The following CDH24 variants were observed in gnomAD, a reference collection of about 807,000 sequenced individuals.
The protein encoded by CDH24 is cadherin 24.
Under a neutral mutation model 71.2 loss-of-function variants are expected in CDH24, and 61 were observed. The ratio of observed to expected loss-of-function variants is 0.86; its 90% CI spans 0.70 to 1.06. The LOEUF (loss-of-function observed/expected upper bound fraction) is 1.06, where lower values mean the gene tolerates loss of function less well. CDH24 is among the 50% of genes least tolerant of loss of function. The pLI is 0.00. For synonymous variants in CDH24, 440 were observed against 470.2 expected (o/e 0.94, Z 0.83); for missense variants, 961 against 1,083.7 (o/e 0.89, Z 1.59).
chr14:23,054,387 C>A lies in CDH24; in HGVS notation c.785-59G>T. 6.5e-7 allele frequency: 1 copy of A among 1,547,070 alleles called. No homozygotes were observed. Among genetic ancestry groups the A allele is most frequent in the Non-Finnish European group, 8.7e-7 (1 of 1,144,372 alleles). On this transcript the variant is annotated intron_variant, in intron 5 of 12. Transcript: ENST00000487137. The surrounding 1 kb of genome is among the most constrained non-coding windows in gnomAD (Gnocchi z 5.2). ...GAGGTCCCCAGCCCTCCTCCCTCCC[C>A]ACAGCACTTTATTCTCCCAGGATCT...
chr14:23,047,946 C>CA lies in CDH24; in HGVS notation c.*33_*34insT. The CA allele has an allele frequency of 7.8e-7, 1 of 1,287,688 alleles. No homozygotes were observed. Among genetic ancestry groups the CA allele is most frequent in the Non-Finnish European group, 9.8e-7 (1 of 1,020,072 alleles). 79.8% of individuals were successfully genotyped at this position (1,287,688 alleles called of 1,614,324 possible). On this transcript the variant is annotated 3_prime_UTR_variant, in exon 12 of 13. Coordinates refer to ENST00000487137, the MANE Select transcript of CDH24 (RefSeq NM_144985.4). ...ACTCAGAGGGCCTGTGCCCGCTGCC[C>CA]CCCCCCCGCGGTGGGCCGGGCCAGC...
At position 23,057,261 on chromosome 14, in the gene CDH24, A is replaced by C. The variant is rs923533194; in HGVS notation, c.-125+142T>G. 1 of 152,512 alleles carries C rather than the reference A, an allele frequency of 6.6e-6. No individual in the cohort carries two copies. Among genetic ancestry groups the C allele is most frequent in the Non-Finnish European group, 1.5e-5 (1 of 68,382 alleles). The allele number at this position is 152,512 out of a possible 1,614,324, so 9.4% of individuals were successfully genotyped here. On this transcript the variant is annotated intron_variant, in intron 1 of 12. Coordinates refer to ENST00000487137, the MANE Select transcript of CDH24 (RefSeq NM_144985.4). The surrounding 1 kb of genome is among the most constrained non-coding windows in gnomAD (Gnocchi z 5.4). Reference sequence around the variant, plus strand: ...GGAGAGAGGTGCGAGGGGAGAAGGGAAAGAGGCAGAGCGCGGGAGAAGGGA... The same window carrying C: ...GGAGAGAGGTGCGAGGGGAGAAGGGCAAGAGGCAGAGCGCGGGAGAAGGGA...
intron 1 of CDH24, among the ~76,000 whole-genome samples, chr14:23,056,847 G>A (rs775541023): frequency 6.6e-6 from 1 of 152,026 alleles, no homozygotes; most frequent in Non-Finnish European, 1.5e-5. Flanking sequence ...GGGCGGGGGG[G>A]AGGACCCCTC....
rs994822933 is a variant in CDH24, at chr14:23,051,366, G to A, written c.1363+1107C>T. Among the ~76,000 whole-genome samples, 5 of 152,090 alleles carry A rather than the reference G, an allele frequency of 3.3e-5. No homozygotes were observed. Among genetic ancestry groups the A allele is most frequent in the Non-Finnish European group, 7.4e-5 (5 of 68,012 alleles). ...CCTGAGTTTATTGTTTAAAAATGAG[G>A]AAATAATCATACTTCCCTCATAAAG... is the stretch of plus-strand genomic sequence containing the variant. On this transcript the variant is annotated intron_variant, in intron 8 of 12. Coordinates refer to ENST00000487137, the MANE Select transcript of CDH24 (RefSeq NM_144985.4). This position sits in a 1 kb window ranked among gnomAD's most constrained non-coding sequence, Gnocchi z 4.4.
rs751531907 is a variant in CDH24, at chr14:23,048,491, G to A, written c.1847-12C>T. The A allele has an allele frequency of 3.7e-6, 6 of 1,601,746 alleles. No individual in the cohort carries two copies. The East Asian group carries it at 1.3e-4, about 36-fold the overall frequency. On this transcript the variant is annotated splice_polypyrimidine_tract_variant and intron_variant, in intron 11 of 12. Transcript: ENST00000487137. The stretch of plus-strand genomic sequence containing the variant: ...GAGCACCACCAGGGCTGCGCGAGAG[G>A]CGCGCACACAGGCCCTGAGCCAGCA...
At position 23,055,729 on chromosome 14, in the gene CDH24, C is replaced by T. The variant is rs763102972; in HGVS notation, c.5G>A (p.Trp2Ter). Residue 2 changes from tryptophan (W) to a stop codon, truncating the protein, a stop_gained, in exon 2 of 13, where the codon TGG becomes TAG. Coordinates refer to ENST00000487137, the MANE Select transcript of CDH24 (RefSeq NM_144985.4). LOFTEE classifies it high-confidence loss of function. The surrounding 1 kb of genome is among the most constrained non-coding windows in gnomAD (Gnocchi z 4.1). ...GGCCAGCAGGAGCCTCACCAGGCCC[C>T]ACATGTTTGGACTCCAGCCAGGGCT... M[W>*]GLVRLLLAWL... is the part of the protein sequence containing the mutation. 6.3e-6 allele frequency: 10 copies of T among 1,579,542 alleles called. No homozygotes were observed. Among genetic ancestry groups the T allele is most frequent in the Non-Finnish European group, 7.7e-6 (9 of 1,168,862 alleles).
rs1319422486 is a variant in CDH24, at chr14:23,052,526, A to G, written c.1310T>C (p.Leu437Pro). 1 of 1,614,046 alleles carries G rather than the reference A, an allele frequency of 6.2e-7. No homozygotes were observed. Among genetic ancestry groups the G allele is most frequent in the Admixed American group, 1.7e-5 (1 of 60,014 alleles). Residue 437 changes from leucine (L) to proline (P), a missense_variant, in exon 8 of 13, where the codon CTG becomes CCG. Coordinates refer to ENST00000487137, the MANE Select transcript of CDH24 (RefSeq NM_144985.4). ...EEGTIHTAAP[L>P]DREARAWHNL... ...GTGCCAGGCGCGAGCCTCGCGATCC[A>G]GGGGTGCTGCTGTATGGATGGTGCC... is the stretch of plus-strand genomic sequence containing the variant.
At chr14:23,048,600 G>T in intron 11 of CDH24, 121 bp from the exon 12 acceptor site, 1 of 944,662 alleles carries the variant, frequency 1.1e-6, no homozygotes, top group Non-Finnish European at 1.6e-6. Context: ...CTGACATCTA[G>T]CAAACCTTGC....
At chr14:23,052,243 G>A (rs1001112030) in intron 8 of CDH24, 33 of 717,764 alleles carry the variant, frequency 4.6e-5, no homozygotes, top group Admixed American at 2.4e-4. Flanking sequence ...GCCCAGCCTA[G>A]GGGACTAGGA....
At position 23,048,526 on chromosome 14, in the gene CDH24, G is replaced by T. The variant is rs1431945384; in HGVS notation, c.1847-47C>A. 3 of 1,588,158 alleles carry T rather than the reference G, an allele frequency of 1.9e-6. No individual in the cohort carries two copies. The South Asian group carries it at 3.3e-5, about 18-fold the overall frequency. On this transcript the variant is annotated intron_variant, in intron 11 of 12. Transcript: ENST00000487137. Reference sequence around the variant, plus strand: ...AGGCCCTGAGCCAGCAGGGCCGGGAGCGGGCGGCCTGTCTCCATGTGAAAG... The same window carrying T: ...AGGCCCTGAGCCAGCAGGGCCGGGATCGGGCGGCCTGTCTCCATGTGAAAG...
chr14:23,054,350 C>T lies in CDH24; in HGVS notation c.785-22G>A. On this transcript the variant is annotated intron_variant, in intron 5 of 12. Coordinates refer to ENST00000487137, the MANE Select transcript of CDH24 (RefSeq NM_144985.4). This position sits in a 1 kb window ranked among gnomAD's most constrained non-coding sequence, Gnocchi z 5.2. Reference sequence around the variant, plus strand: ...AGGCCTTGGGATGACAGAGGGGAGACACCTTCTCAGAGAGGTCCCCAGCCC... The same window carrying T: ...AGGCCTTGGGATGACAGAGGGGAGATACCTTCTCAGAGAGGTCCCCAGCCC... 6.4e-7 allele frequency: 1 copy of T among 1,559,382 alleles called. No individual in the cohort carries two copies. The highest frequency in any genetic ancestry group is 1.7e-4 in the Middle Eastern group (1 of 5,772).
In CDH24 at chr14:23,055,520, G is replaced by T. The variant is rs2047122026; in HGVS notation, c.201+13C>A. ...CTTGGTGTCAGAGTAGACATGGGAG[G>T]GGTCATCCTTACCTTGCCAATGAGA... On this transcript the variant is annotated intron_variant, in intron 2 of 12. Transcript: ENST00000487137. This position sits in a 1 kb window ranked among gnomAD's most constrained non-coding sequence, Gnocchi z 4.1. 5 of 1,612,748 alleles carry T rather than the reference G, an allele frequency of 3.1e-6. No individual in the cohort carries two copies. The highest frequency in any genetic ancestry group is 4.2e-6 in the Non-Finnish European group (5 of 1,179,296).
At chr14:23,053,471 C>T (rs752210711) in intron 7 of CDH24, 25 bp downstream of exon 7, 8 of 1,540,318 alleles carry the variant, frequency 5.2e-6, no homozygotes, top group Non-Finnish European at 7.0e-6. Flanking sequence ...ATCTGGCTCC[C>T]CAGCCCACAT....
rs1332553463 is a variant in CDH24, at chr14:23,048,140, C to A, written c.2186G>T (p.Gly729Val). 10 of 1,394,600 alleles carry A rather than the reference C, an allele frequency of 7.2e-6. No homozygotes were observed. In the African/African-American group the frequency reaches 1.4e-4, roughly 19 times the overall value. The allele number at this position is 1,394,600 out of a possible 1,614,324, so 86.4% of individuals were successfully genotyped here. Residue 729 changes from glycine to valine, a missense_variant, in exon 12 of 13, where the codon GGC becomes GTC. Gly to Val is a moderately radical substitution (Grantham distance 109). Transcript: ENST00000487137. The stretch of plus-strand genomic sequence containing the variant: ...GCAAGAGGAGCCGCGGCCCTCGTAG[C>A]CGTACACCTGCACCGAGTCGTACGG... ...VPPYDSVQVYGYEGRGSSCGS... is the reference protein window; with the variant it reads ...VPPYDSVQVYVYEGRGSSCGS...
Position 23,055,211 on chromosome 14 carries a change from T to C in CDH24, c.344A>G (p.Tyr115Cys), listed in dbSNP as rs745826084. Residue 115 changes from tyrosine (Y) to cysteine (C), a missense_variant, in exon 3 of 13, where the codon TAT (tyrosine) becomes TGT (cysteine). Coordinates refer to ENST00000487137, the MANE Select transcript of CDH24 (RefSeq NM_144985.4). This position sits in a 1 kb window ranked among gnomAD's most constrained non-coding sequence, Gnocchi z 4.1. ...KSLDREEKAQ[Y>C]VLLAQAVDRA... ...GTCCACGGCTTGGGCCAGTAGCACA[T>C]ATTGCGCCTTTTCCTCCCGGTCAAG... 4 of 1,614,126 alleles carry C rather than the reference T, an allele frequency of 2.5e-6. No individual in the cohort carries two copies. The highest frequency in any genetic ancestry group is 3.4e-6 in the Non-Finnish European group (4 of 1,180,002).
intron 8 of CDH24, chr14:23,052,112 C>T: frequency 8.0e-7 from 1 of 1,251,504 alleles, no homozygotes; most frequent in Non-Finnish European, 1.1e-6. Flanking sequence ...AGGATGGGGT[C>T]TGTCAGTACA....
chr14:23,053,704 C>T lies in CDH24; in HGVS notation c.1018G>A (p.Ala340Thr). The T allele has an allele frequency of 6.2e-7, 1 of 1,613,032 alleles. No individual in the cohort carries two copies. The highest frequency in any genetic ancestry group is 1.1e-5 in the South Asian group (1 of 91,052). ...SQRSYSFRVE[A>T]TNTLIDPAYL... ...GCTGGGTCAATGAGCGTGTTGGTGG[C>T]CTCGACACGGAAGGAGTAGGAGCGC... The change falls in exon 7 of 13, where the codon GCC (alanine) becomes ACC (threonine). Residue 340 changes from alanine to threonine, a missense_variant. By Grantham distance (58) the Ala-to-Thr change is moderately conservative (BLOSUM62 0). This residue lies in a region of CDH24 where 671 missense variants were observed against 810.9 expected (regional missense o/e 0.83). Transcript: ENST00000487137.
Position 23,051,709 on chromosome 14 carries a change from AG to A in CDH24, c.1363+763del, listed in dbSNP as rs2139944388. On this transcript the variant is annotated intron_variant, in intron 8 of 12. Transcript: ENST00000487137. This position sits in a 1 kb window ranked among gnomAD's most constrained non-coding sequence, Gnocchi z 4.4. ...CATACCCACATGTGCACATTCATAT[AG>A]GCCTTCACTGACACATTCAGATATC... is the stretch of plus-strand genomic sequence containing the variant. Among the ~76,000 whole-genome samples the A allele has an allele frequency of 6.6e-6, 1 of 152,360 alleles. No homozygotes were observed. Among genetic ancestry groups the A allele is most frequent in the South Asian group, 2.1e-4 (1 of 4,832 alleles).
Position 23,049,752 on chromosome 14 carries a change from G to C in CDH24, c.1486-14C>G, listed in dbSNP as rs1038397548. 3 of 1,611,852 alleles carry C rather than the reference G, an allele frequency of 1.9e-6. No homozygotes were observed. The highest frequency in any genetic ancestry group is 2.5e-6 in the Non-Finnish European group (3 of 1,178,366). On this transcript the variant is annotated splice_polypyrimidine_tract_variant and intron_variant, in intron 9 of 12. Transcript: ENST00000487137. ...GACCTGAATCAGCTGGGAGGAAGAA[G>C]AGAGAGGCCTTGTATGGAGTGGGCT...
Sources: gnomAD v4.1 joint callset for allele counts (sites outside exome capture counted in the v4.1 genomes callset) on GRCh38, gnomAD v4.1.1 for gene constraint, gnomAD v4.1.1 regional missense constraint, Gnocchi (gnomAD v3.1) non-coding constraint, MANE v1.5 for transcripts, NCBI Gene and HGNC (gene_info 2026-07-23, HGNC 2026-07-21) for gene names.